TTC39C: variants seen among roughly 807,000 people sequenced by gnomAD.
TTC39C encodes tetratricopeptide repeat domain 39C.
A neutral mutation model predicts 76.3 loss-of-function variants in TTC39C; 33 were observed. The ratio of observed to expected loss-of-function variants is 0.43; its 90% confidence interval spans 0.33 to 0.58. The LOEUF is 0.58. TTC39C is among the 20% of genes least tolerant of loss of function. The pLI is 0.04. For missense variants in TTC39C, 595 were observed against 701.4 expected, an observed-to-expected ratio of 0.85 and a Z score of 1.71; for synonymous variants, 254 against 260.6, an observed-to-expected ratio of 0.97 and a Z score of 0.24.
chr18:24,120,851 G>A (rs1233885858), intron 8 of TTC39C: 1 of 149,292 alleles, frequency 6.7e-6, no homozygotes, highest in Admixed American at 6.7e-5. Context: ...CATCCATGTT[G>A]TAACATGTGT....
rs527943024 is a variant in TTC39C, at chr18:24,028,590, T to G, written c.167+13552T>G. ...AGATGCCTTAGTGAAAGATGGACATTTTCTATGACATTCAGAGTTGTTTAC... is the reference window on the plus strand; with the variant it reads ...AGATGCCTTAGTGAAAGATGGACATGTTCTATGACATTCAGAGTTGTTTAC... On this transcript the variant is annotated intron_variant, in intron 1 of 13. Transcript: ENST00000317571. Among the ~76,000 whole-genome samples, 25 of 152,218 alleles carry G rather than the reference T, an allele frequency of 1.6e-4. 1 individual carries two copies. The highest frequency in any genetic ancestry group is 2.9e-4 in the Non-Finnish European group (20 of 68,034).
rs908466774 is a variant in TTC39C at position 24,080,687 on chromosome 18, C to G, written c.563C>G (p.Thr188Ser). Residue 188 changes from threonine to serine, a missense_variant, in exon 5 of 14, where the codon ACT becomes AGT. Thr to Ser is a moderately conservative substitution (Grantham distance 58, BLOSUM62 1). Transcript: ENST00000317571. The part of the protein sequence containing the change: ...ALQELYQKKL[T>S]EESLTSDAAN... ...CAGGAGCTGTATCAGAAGAAGCTAA[C>G]TGAAGAGTCCTTGACTTCTGATGCT... The G allele has an allele frequency of 1.2e-6, 2 of 1,614,126 alleles. No individual in the cohort carries two copies. The highest frequency in any genetic ancestry group is 8.5e-7 in the Non-Finnish European group (1 of 1,179,990).
intron 7 of TTC39C, among the ~76,000 whole-genome samples, chr18:24,116,613 T>C (rs1022679759): frequency 6.6e-6 from 1 of 152,092 alleles, no homozygotes; most frequent in African/African-American, 2.4e-5. Context: ...TGACAGTGAA[T>C]TTTCTGAAGT....
intron 6 of TTC39C, among the ~76,000 whole-genome samples, chr18:24,106,876 G>T (rs1004431548): frequency 6.6e-6 from 1 of 152,100 alleles, no homozygotes; most frequent in Non-Finnish European, 1.5e-5. Context: ...GTAGAGACGG[G>T]GTTTCACCAT....
chr18:24,041,538 G>T (rs929707478), intron 1 of TTC39C, among the ~76,000 whole-genome samples: 4 of 152,216 alleles, frequency 2.6e-5, no homozygotes, highest in African/African-American at 9.7e-5. Context: ...CTGGTTCATG[G>T]TCTTTCAGGA....
chr18:24,004,740 C>G (rs1194695089), intron 1 of TTC39C, among the ~76,000 whole-genome samples: 1 of 152,178 alleles, frequency 6.6e-6, no homozygotes, highest in Admixed American at 6.5e-5. Context: ...GAAAATCATG[C>G]ATTCCACTGT....
chr18:24,031,655 TG>T (rs999055562), intron 1 of TTC39C, among the ~76,000 whole-genome samples: 1 of 152,204 alleles, frequency 6.6e-6, no homozygotes, highest in African/African-American at 2.4e-5. Context: ...ACACTTGCAC[TG>T]GCTCAGCTGG....
intron 7 of TTC39C, among the ~76,000 whole-genome samples, chr18:24,116,228 G>A (rs1390533450): frequency 2.0e-5 from 3 of 152,010 alleles, no homozygotes; most frequent in Admixed American, 6.6e-5. Context: ...ATCTTTCTCC[G>A]CTATCTATGC....
intron 1 of TTC39C, among the ~76,000 whole-genome samples, chr18:24,042,478 C>A (rs149108446): frequency 6.6e-6 from 1 of 152,146 alleles, no homozygotes; most frequent in African/African-American, 2.4e-5. Flanking sequence ...GGAGGTGGAG[C>A]GCAGGTGGTA....
intron 5 of TTC39C, among the ~76,000 whole-genome samples, chr18:24,082,466 G>A (rs1217006362): frequency 6.6e-6 from 1 of 152,024 alleles, no homozygotes; most frequent in Non-Finnish European, 1.5e-5. Flanking sequence ...TATACCCTAA[G>A]TTTTGTGAAC....
rs750295981 is a variant in TTC39C, at chr18:24,001,823, G to GTTTTTTTTTTTTT, written c.-17+8793_-17+8805dup. Among the ~76,000 whole-genome samples the GTTTTTTTTTTTTT allele has an allele frequency of 1.2e-4, 7 of 57,492 alleles. 1 individual carries two copies. Among genetic ancestry groups the GTTTTTTTTTTTTT allele is most frequent in the Admixed American group, 1.8e-4 (1 of 5,560 alleles). 37.7% of individuals were successfully genotyped at this position (57,492 alleles called of 152,430 possible). On this transcript the variant is annotated intron_variant, in intron 1 of 13. Transcript: ENST00000304621. Reference sequence around the variant, plus strand: ...GGAGGGTGAGGTGTACGGTAATTCTGTTTTTTTTTTTTTTTTTTTTGAGAC... The same window carrying GTTTTTTTTTTTTT: ...GGAGGGTGAGGTGTACGGTAATTCTGTTTTTTTTTTTTTTTTTTTTTTTTTTTTTTTTTGAGAC...
Position 24,114,115 on chromosome 18 carries a change from C to T in TTC39C, c.985-439C>T, listed in dbSNP as rs536654456. On this transcript the variant is annotated intron_variant, in intron 6 of 13. Transcript: ENST00000317571. ...GGCGCACACGGGGATGAAATATGGT[C>T]CCTTCCCTTTCCACACCTGTGTGGT... 23 of 267,406 alleles carry T rather than the reference C, an allele frequency of 8.6e-5. No individual in the cohort carries two copies. The East Asian group carries it at 2.0e-3, about 24-fold the overall frequency. 16.6% of individuals were successfully genotyped at this position (267,406 alleles called of 1,614,324 possible). A position where few individuals can be genotyped will look rare whatever the true frequency, so the allele number is the denominator to read the frequency against.
chr18:24,015,227 T>G, intron 1 of TTC39C, 189 bp downstream of exon 1: 26 of 466,190 alleles, frequency 5.6e-5, no homozygotes, highest in Non-Finnish European at 8.0e-5. Context: ...GTCCACCCCC[T>G]ACCCCCGGCT....
chr18:24,026,019 C>T (rs908207962), intron 1 of TTC39C, among the ~76,000 whole-genome samples: 1 of 152,172 alleles, frequency 6.6e-6, no homozygotes. Flanking sequence ...TGCCCCTAAA[C>T]ACCAGTCACA....
At chr18:24,072,213 G>A (rs1470524742) in intron 4 of TTC39C, among the ~76,000 whole-genome samples, 1 of 151,344 alleles carries the variant, frequency 6.6e-6, no homozygotes, top group Non-Finnish European at 1.5e-5. Flanking sequence ...TTGGAGCGGG[G>A]CAGCACTGAG....
chr18:24,085,868 G>T (rs562954854), intron 6 of TTC39C, among the ~76,000 whole-genome samples: 1 of 152,312 alleles, frequency 6.6e-6, no homozygotes, highest in South Asian at 2.1e-4. Flanking sequence ...AGGATGAAAA[G>T]ATTTTAAGGC....
chr18:24,021,027 A>G (rs1047166747), intron 1 of TTC39C, among the ~76,000 whole-genome samples: 1 of 152,132 alleles, frequency 6.6e-6, no homozygotes, highest in African/African-American at 2.4e-5. Flanking sequence ...AGCCTGTTTT[A>G]GTTCCTGAAA....
At chr18:24,053,630 T>C (rs557707780) in intron 1 of TTC39C, among the ~76,000 whole-genome samples, 3 of 152,356 alleles carry the variant, frequency 2.0e-5, no homozygotes, top group African/African-American at 7.2e-5. Flanking sequence ...AAATTAATCT[T>C]ATCCATTGAT....
chr18:24,053,821 A>G (rs1007646363), intron 1 of TTC39C, among the ~76,000 whole-genome samples: 25 of 152,174 alleles, frequency 1.6e-4, no homozygotes, highest in Admixed American at 1.5e-3. Flanking sequence ...CAAAGCACAT[A>G]TTTTTAGTTT....
Sources: gnomAD v4.1 joint callset for allele counts (sites outside exome capture counted in the v4.1 genomes callset) on GRCh38, gnomAD v4.1.1 for gene constraint, MANE v1.5 for transcripts, NCBI Gene and HGNC (gene_info 2026-07-23, HGNC 2026-07-21) for gene names.